PTPRD: variants seen among roughly 807,000 people sequenced by gnomAD.
The protein encoded by PTPRD is receptor-type tyrosine-protein phosphatase delta.
Under a neutral mutation model 214.5 loss-of-function variants are expected in PTPRD, and 34 were observed. The ratio of observed to expected loss-of-function variants is 0.16; its 90% CI spans 0.12 to 0.21. The LOEUF (loss-of-function observed/expected upper bound fraction) is 0.21. PTPRD is among the 10% of genes least tolerant of loss of function. The pLI, the probability that PTPRD is intolerant of heterozygous loss-of-function variation, is 1.00. For synonymous variants in PTPRD, 1,128 were observed against 845.7 expected, an observed-to-expected ratio of 1.33 and a Z score of -5.79; for missense variants, 2,545 against 2,398.7, an observed-to-expected ratio of 1.06 and a Z score of -1.27.
At chr9:9,503,498 C>G (rs368962693) in intron 8 of PTPRD, among the ~76,000 whole-genome samples, 1 of 151,492 alleles carries the variant, frequency 6.6e-6, no homozygotes, top group Non-Finnish European at 1.5e-5. Context: ...AACTGTAAGA[C>G]CAGATGAAAA....
intron 7 of PTPRD, among the ~76,000 whole-genome samples, chr9:9,634,507 T>C (rs544221877): frequency 1.3e-4 from 20 of 152,192 alleles, no homozygotes; most frequent in Non-Finnish European, 2.9e-4. Context: ...ACAATAAATT[T>C]GCTGATTATT....
At chr9:8,804,235 G>C (rs10481624) in intron 11 of PTPRD, among the ~76,000 whole-genome samples, 1,749 of 152,202 alleles carry the variant, frequency 0.011, 30 homozygotes, top group African/African-American at 0.04. Context: ...TTACAAGCGT[G>C]AGCCACTGTG....
chr9:10,006,214 C>T (rs1442808694), intron 4 of PTPRD, among the ~76,000 whole-genome samples: 1 of 151,910 alleles, frequency 6.6e-6, no homozygotes, highest in African/African-American at 2.4e-5. Flanking sequence ...CATTTTAATA[C>T]ATTGATGATT....
At chr9:9,351,031 C>A (rs1359337488) in intron 9 of PTPRD, among the ~76,000 whole-genome samples, 1 of 151,962 alleles carries the variant, frequency 6.6e-6, no homozygotes, top group Non-Finnish European at 1.5e-5. Flanking sequence ...ACCACTGGTA[C>A]CCTGAAGTCA....
intron 3 of PTPRD, among the ~76,000 whole-genome samples, chr9:10,155,138 G>T (rs1433793252): frequency 1.3e-5 from 2 of 151,862 alleles, no homozygotes; most frequent in African/African-American, 4.8e-5. Context: ...GTGTTTTATT[G>T]TTCTCATTCT....
chr9:10,219,514 G>T (rs1309699477), intron 3 of PTPRD, among the ~76,000 whole-genome samples: 1 of 151,808 alleles, frequency 6.6e-6, no homozygotes, highest in Non-Finnish European at 1.5e-5. Flanking sequence ...TAGGAGGGAT[G>T]AGAGGCCCAT....
chr9:10,476,749 C>A (rs541872516), intron 2 of PTPRD, among the ~76,000 whole-genome samples: 4 of 152,110 alleles, frequency 2.6e-5, no homozygotes, highest in East Asian at 3.9e-4. Context: ...CATTACAAGG[C>A]AACAGTAACC....
intron 7 of PTPRD, among the ~76,000 whole-genome samples, chr9:9,642,555 A>T (rs2096002628): frequency 6.6e-6 from 1 of 152,084 alleles, no homozygotes; most frequent in African/African-American, 2.4e-5. Context: ...TTCTCTCTGT[A>T]ACTGTTTGCA....
intron 4 of PTPRD, among the ~76,000 whole-genome samples, chr9:9,947,483 TATATATATTATATATA>T (rs2092841570): frequency 3.8e-5 from 1 of 26,400 alleles, no homozygotes; most frequent in Non-Finnish European, 5.7e-5. Context: ...ATATATATTT[TATATATATTATATATA>T]TTTTATATAT....
intron 34 of PTPRD, among the ~76,000 whole-genome samples, chr9:8,447,953 T>C (rs1349462620): frequency 1.3e-5 from 2 of 152,182 alleles, no homozygotes; most frequent in African/African-American, 2.4e-5. Flanking sequence ...TAGCAGATCA[T>C]TTCTTCAGCT....
chr9:9,442,286 G>C (rs542600620), intron 8 of PTPRD: 19 of 152,404 alleles, frequency 1.2e-4, no homozygotes, highest in African/African-American at 3.8e-4. Flanking sequence ...CTCCCGTGCT[G>C]ATCAGTAGAA....
intron 5 of PTPRD, among the ~76,000 whole-genome samples, chr9:9,793,505 T>C (rs1357880504): frequency 2.0e-5 from 3 of 152,126 alleles, no homozygotes; most frequent in African/African-American, 4.8e-5. Flanking sequence ...GACGGACAGA[T>C]AGATATGTAC....
chr9:10,549,216 A>ATG (rs549287251), intron 2 of PTPRD, among the ~76,000 whole-genome samples: 235 of 152,296 alleles, frequency 1.5e-3, no homozygotes, highest in Middle Eastern at 3.4e-3. Context: ...TTATTAACTA[A>ATG]TGTAAGTACT....
At chr9:8,643,808 G>A (rs1336232566) in intron 12 of PTPRD, among the ~76,000 whole-genome samples, 1 of 152,232 alleles carries the variant, frequency 6.6e-6, no homozygotes, top group Admixed American at 6.5e-5. Context: ...GCAACTCAGG[G>A]CCTGCAGATG....
intron 7 of PTPRD, among the ~76,000 whole-genome samples, chr9:9,617,864 A>G (rs1343531084): frequency 2.0e-5 from 3 of 151,748 alleles, no homozygotes; most frequent in African/African-American, 7.3e-5. Context: ...CGAGGTCAGG[A>G]GATCGAGACC....
intron 2 of PTPRD, among the ~76,000 whole-genome samples, chr9:10,511,633 C>A (rs1340622934): frequency 6.9e-6 from 1 of 144,132 alleles, no homozygotes; most frequent in Non-Finnish European, 1.5e-5. Context: ...TCAGGCTGGT[C>A]TTGAACTCCT....
At chr9:9,787,643 G>A (rs1416841705) in intron 5 of PTPRD, among the ~76,000 whole-genome samples, 2 of 151,962 alleles carry the variant, frequency 1.3e-5, no homozygotes. Context: ...ACCCAATAAG[G>A]TGGATAAAGG....
At chr9:9,426,975 T>C (rs1378627657) in intron 8 of PTPRD, among the ~76,000 whole-genome samples, 2 of 152,072 alleles carry the variant, frequency 1.3e-5, no homozygotes, top group Non-Finnish European at 2.9e-5. Flanking sequence ...GCAGAAAAGA[T>C]GAAAAATCTA....
At chr9:8,556,832 G>A (rs1362815329) in intron 14 of PTPRD, among the ~76,000 whole-genome samples, 2 of 152,130 alleles carry the variant, frequency 1.3e-5, no homozygotes, top group African/African-American at 4.8e-5. Context: ...TAGCATAGGT[G>A]ACAGAATCGA....
Sources: allele counts gnomAD v4.1 joint callset (sites outside exome capture counted in the v4.1 genomes callset), GRCh38; gene constraint gnomAD v4.1.1; transcripts MANE v1.5; gene names NCBI Gene and HGNC (gene_info 2026-07-23, HGNC 2026-07-21).